CAST: variants seen among roughly 807,000 people sequenced by gnomAD.
The protein encoded by CAST is MIR583 host.
A neutral mutation model predicts 119.6 loss-of-function variants in CAST; 76 were observed. The ratio of observed to expected loss-of-function variants is 0.64; its 90% CI spans 0.53 to 0.77. The LOEUF (loss-of-function observed/expected upper bound fraction) is 0.77. Ranked by LOEUF, CAST falls within the 30% of genes least tolerant of loss-of-function variation. The pLI, the probability that CAST is intolerant of heterozygous loss-of-function variation, is 0.00. For synonymous variants in CAST, 319 were observed against 331.6 expected (o/e 0.96, Z 0.41); for missense variants, 953 against 946.5 (o/e 1.01, Z -0.09).
At chr5:96,668,632 C>T (rs965205848) in intron 1 of CAST, among the ~76,000 whole-genome samples, 2 of 152,116 alleles carry the variant, frequency 1.3e-5, no homozygotes, top group African/African-American at 2.4e-5. Context: ...ACCATTAGCC[C>T]TATTTTACAA....
chr5:96,410,076 T>A, the CAST span, among the ~76,000 whole-genome samples: 1 of 152,126 alleles, frequency 6.6e-6, no homozygotes, highest in Non-Finnish European at 1.5e-5. Flanking sequence ...TTGGGGGCCT[T>A]ACATTTTTTA....
At chr5:96,510,341 C>T in the CAST span, among the ~76,000 whole-genome samples, 1 of 152,190 alleles carries the variant, frequency 6.6e-6, no homozygotes, top group East Asian at 1.9e-4. Context: ...AGCTGCTTTT[C>T]AGTAAATACA....
the CAST span, among the ~76,000 whole-genome samples, chr5:96,067,571 TAAATTGGCCTAGTTTA>T: frequency 6.6e-6 from 1 of 152,216 alleles, no homozygotes; most frequent in Non-Finnish European, 1.5e-5. Flanking sequence ...TAGGTTTTCC[TAAATTGGCCTAGTTTA>T]AAATGGGCAT....
Position 96,766,982 on chromosome 5 carries a change from C to T in CAST, c.2131-456C>T, listed in dbSNP as rs997734549. Among the ~76,000 whole-genome samples, 6 of 152,240 alleles carry T rather than the reference C, an allele frequency of 3.9e-5. No homozygotes were observed. The East Asian group carries it at 1.2e-3, about 29-fold the overall frequency. On this transcript the variant is annotated intron_variant, in intron 27 of 31. Transcript: ENST00000675179. Reference sequence around the variant, plus strand: ...ATTCCACATCCTGCTAGAGCCCTTCCCACTTTGATAGTACCAACTCACCCT... The same window carrying T: ...ATTCCACATCCTGCTAGAGCCCTTCTCACTTTGATAGTACCAACTCACCCT...
chr5:96,116,767 T>TA, the CAST span, among the ~76,000 whole-genome samples: 2 of 152,240 alleles, frequency 1.3e-5, no homozygotes, highest in Non-Finnish European at 2.9e-5. Flanking sequence ...CTTACTTTTT[T>TA]AAAAAATTGG....
chr5:96,050,816 A>G, the CAST span, among the ~76,000 whole-genome samples: 4 of 152,030 alleles, frequency 2.6e-5, no homozygotes, highest in African/African-American at 9.7e-5. Context: ...GACAAGGGAG[A>G]CCGATGGGCG....
At chr5:96,542,127 A>G (rs947112309) in intron 1 of CAST, among the ~76,000 whole-genome samples, 2 of 151,982 alleles carry the variant, frequency 1.3e-5, no homozygotes, top group African/African-American at 4.8e-5. Flanking sequence ...TGGCTAACAC[A>G]GTGAAACCCC....
chr5:96,670,611 C>T (rs1315138828), intron 1 of CAST, among the ~76,000 whole-genome samples: 1 of 152,186 alleles, frequency 6.6e-6, no homozygotes, highest in Non-Finnish European at 1.5e-5. Context: ...AATTCTCCTG[C>T]CTCAGCCTCC....
At chr5:96,497,417 A>T in the CAST span, among the ~76,000 whole-genome samples, 3 of 152,124 alleles carry the variant, frequency 2.0e-5, no homozygotes, top group Admixed American at 6.5e-5. Context: ...CTAGTTGTAG[A>T]TCCCTGAGGA....
the CAST span, among the ~76,000 whole-genome samples, chr5:96,415,524 G>A: frequency 6.6e-6 from 1 of 152,148 alleles, no homozygotes; most frequent in Non-Finnish European, 1.5e-5. Context: ...CTTACCATGT[G>A]TTTCCCCATA....
the CAST span, among the ~76,000 whole-genome samples, chr5:96,283,506 C>G: frequency 3.3e-5 from 5 of 152,232 alleles, no homozygotes; most frequent in Non-Finnish European, 7.3e-5. Context: ...TCCAAACTCC[C>G]TGTCGTTCCT....
At chr5:96,375,760 C>A in the CAST span, among the ~76,000 whole-genome samples, 6 of 151,556 alleles carry the variant, frequency 4.0e-5, no homozygotes, top group Non-Finnish European at 7.4e-5. Context: ...AGGTTCCCAC[C>A]GAATAAGAAA....
chr5:96,429,113 A>T, the CAST span: 1 of 722,276 alleles, frequency 1.4e-6, no homozygotes, highest in Non-Finnish European at 2.4e-6. Context: ...TCACAATAAA[A>T]AAAAAACCAC....
At chr5:96,168,516 A>G in the CAST span, among the ~76,000 whole-genome samples, 85,599 of 151,900 alleles carry the variant, frequency 0.56, 24,502 homozygotes, top group Middle Eastern at 0.61. Flanking sequence ...CAATGAGTTC[A>G]GCTTGCTAAG....
chr5:96,458,900 AT>A, the CAST span, among the ~76,000 whole-genome samples: 26 of 152,160 alleles, frequency 1.7e-4, no homozygotes, highest in Non-Finnish European at 1.6e-4. Context: ...GTGGGAGCGT[AT>A]GACAGTTTTC....
the CAST span, among the ~76,000 whole-genome samples, chr5:96,452,640 T>TAAAAAAAAAAAAAAAAAA: frequency 1.1e-5 from 1 of 90,140 alleles, no homozygotes; most frequent in Non-Finnish European, 2.0e-5. Flanking sequence ...TAAAGTATAA[T>TAAAAAAAAAAAAAAAAAA]AAAAAAAAAA....
At chr5:96,313,930 C>T in the CAST span, among the ~76,000 whole-genome samples, 1 of 152,110 alleles carries the variant, frequency 6.6e-6, no homozygotes, top group African/African-American at 2.4e-5. Flanking sequence ...GATGTTTCTG[C>T]TGTTTTGTTA....
At chr5:96,393,724 T>C in the CAST span, among the ~76,000 whole-genome samples, 1 of 152,228 alleles carries the variant, frequency 6.6e-6, no homozygotes, top group African/African-American at 2.4e-5. Context: ...GGAATCCATT[T>C]TGGGAAGCAG....
the CAST span, among the ~76,000 whole-genome samples, chr5:96,404,351 T>C: frequency 6.6e-6 from 1 of 152,228 alleles, no homozygotes; most frequent in Non-Finnish European, 1.5e-5. Flanking sequence ...AAGGTCTGAA[T>C]AGTTGCTGGC....
Sources: gnomAD v4.1 joint callset for allele counts (sites outside exome capture counted in the v4.1 genomes callset) on GRCh38, gnomAD v4.1.1 for gene constraint, MANE v1.5 for transcripts, NCBI Gene and HGNC (gene_info 2026-07-23, HGNC 2026-07-21) for gene names.